CNTNAP2: variants seen among roughly 807,000 people sequenced by gnomAD.
CNTNAP2 encodes the protein contactin associated protein 2.
In CNTNAP2, 98 loss-of-function variants were observed where a neutral mutation model predicts 155.2. That is an observed-to-expected ratio of 0.63 (90% CI 0.54 to 0.75). CNTNAP2 has a LOEUF of 0.75. Among genes scored for constraint, CNTNAP2 ranks in the 30% least tolerant of loss-of-function variants. CNTNAP2 has a pLI of 0.00. For synonymous variants in CNTNAP2, 651 were observed against 631.2 expected, an observed-to-expected ratio of 1.03 and a Z score of -0.47; for missense variants, 1,727 against 1,688.1, an observed-to-expected ratio of 1.02 and a Z score of -0.40.
intron 15 of CNTNAP2, among the ~76,000 whole-genome samples, chr7:148,055,847 C>A (rs868351116): frequency 3.5e-4 from 54 of 152,256 alleles, no homozygotes; most frequent in African/African-American, 1.3e-3. Context: ...ATGAAGGAGG[C>A]AGTGGGTTTC....
intron 1 of CNTNAP2, among the ~76,000 whole-genome samples, chr7:146,352,880 T>C (rs1016812757): frequency 6.1e-5 from 9 of 147,330 alleles, no homozygotes; most frequent in Non-Finnish European, 1.2e-4. Context: ...TCAGCCTCCC[T>C]AGTCGCTAGG....
At chr7:146,234,996 C>T (rs980106658) in intron 1 of CNTNAP2, among the ~76,000 whole-genome samples, 3 of 152,080 alleles carry the variant, frequency 2.0e-5, no homozygotes, top group Admixed American at 1.3e-4. Flanking sequence ...TTTGCAAACA[C>T]CTGGGACAAA....
intron 1 of CNTNAP2, among the ~76,000 whole-genome samples, chr7:146,516,188 A>G (rs73464782): frequency 0.028 from 4,224 of 152,032 alleles, 205 homozygotes; most frequent in African/African-American, 0.097. Context: ...CTTTACTATC[A>G]TGGGTAGCAA....
intron 13 of CNTNAP2, among the ~76,000 whole-genome samples, chr7:147,706,812 T>C (rs539058899): frequency 2.6e-5 from 4 of 152,176 alleles, no homozygotes; most frequent in Admixed American, 1.3e-4. Context: ...CAAGGCTTTG[T>C]TCATTCTTTT....
chr7:147,066,144 A>G (rs185229675), intron 4 of CNTNAP2, among the ~76,000 whole-genome samples: 96 of 152,358 alleles, frequency 6.3e-4, no homozygotes, highest in Middle Eastern at 3.4e-3. Flanking sequence ...CAAAGGTCAC[A>G]CTGACCTATT....
At chr7:147,856,954 G>T (rs2116678949) in intron 13 of CNTNAP2, among the ~76,000 whole-genome samples, 1 of 152,300 alleles carries the variant, frequency 6.6e-6, no homozygotes, top group African/African-American at 2.4e-5. Flanking sequence ...GGTTCCCCAG[G>T]AAAGTTTGTC....
At chr7:148,116,237 A>G (rs185124895) in intron 15 of CNTNAP2, among the ~76,000 whole-genome samples, 163 of 152,232 alleles carry the variant, frequency 1.1e-3, no homozygotes, top group Middle Eastern at 6.8e-3. Flanking sequence ...CATATTTTGC[A>G]CTAGTTCCCT....
chr7:146,902,734 C>A (rs150947943), intron 3 of CNTNAP2, among the ~76,000 whole-genome samples: 3 of 152,154 alleles, frequency 2.0e-5, no homozygotes, highest in Non-Finnish European at 4.4e-5. Flanking sequence ...GTAAATGTTC[C>A]GTCTCATGAG....
At chr7:146,525,572 C>G (rs1797678408) in intron 1 of CNTNAP2, among the ~76,000 whole-genome samples, 2 of 136,308 alleles carry the variant, frequency 1.5e-5, no homozygotes, top group South Asian at 2.1e-4. Flanking sequence ...ATCTATCTAT[C>G]TATCTCTCTA....
chr7:147,038,531 A>G (rs1412203990), intron 3 of CNTNAP2, among the ~76,000 whole-genome samples: 1 of 152,172 alleles, frequency 6.6e-6, no homozygotes, highest in Non-Finnish European at 1.5e-5. Flanking sequence ...TCTTTCTCTG[A>G]CTTCCACTCC....
At chr7:146,884,369 G>A (rs1034639724) in intron 3 of CNTNAP2, among the ~76,000 whole-genome samples, 8 of 152,128 alleles carry the variant, frequency 5.3e-5, no homozygotes, top group Non-Finnish European at 1.0e-4. Context: ...TAAAATTGGA[G>A]GAAGAATAAA....
intron 8 of CNTNAP2, among the ~76,000 whole-genome samples, chr7:147,218,665 A>T (rs374168650): frequency 6.6e-6 from 1 of 151,996 alleles, no homozygotes; most frequent in South Asian, 2.1e-4. Flanking sequence ...GTCTTATTGA[A>T]TATTTCCTGT....
At chr7:146,173,460 C>T (rs537381042) in intron 1 of CNTNAP2, among the ~76,000 whole-genome samples, 1 of 151,878 alleles carries the variant, frequency 6.6e-6, no homozygotes, top group East Asian at 1.9e-4. Context: ...CACCTCCCCC[C>T]ACAACACACA....
chr7:146,875,777 G>A lies in CNTNAP2; in HGVS notation c.402+35873G>A, dbSNP rs1362796357. ...ATTTTTCAGCTTGGCCAGGTGTGGT[G>A]GCTCATGCCTATGATCCCAGCACTT... On this transcript the variant is annotated intron_variant, in intron 3 of 23. Coordinates refer to ENST00000361727, the MANE Select transcript of CNTNAP2 (RefSeq NM_014141.6). 2.6e-5 allele frequency among the ~76,000 whole-genome samples: 4 copies of A among 151,276 alleles called. No homozygotes were observed. The East Asian group carries it at 7.8e-4, about 30-fold the overall frequency.
intron 1 of CNTNAP2, among the ~76,000 whole-genome samples, chr7:146,716,492 G>A (rs926074441): frequency 6.6e-6 from 1 of 152,170 alleles, no homozygotes; most frequent in Non-Finnish European, 1.5e-5. Flanking sequence ...GTGCTTTGCT[G>A]CAATACAAAC....
intron 8 of CNTNAP2, among the ~76,000 whole-genome samples, chr7:147,201,783 G>A (rs1802927464): frequency 1.3e-5 from 2 of 152,212 alleles, no homozygotes; most frequent in Admixed American, 6.5e-5. Flanking sequence ...AGTTCAGTAA[G>A]ATATAAATAC....
At chr7:146,199,715 A>G (rs1266860889) in intron 1 of CNTNAP2, among the ~76,000 whole-genome samples, 2 of 152,216 alleles carry the variant, frequency 1.3e-5, no homozygotes, top group African/African-American at 4.8e-5. Flanking sequence ...ATTCAGGTCA[A>G]TAGAGAAATT....
chr7:146,600,699 T>G (rs73470606), intron 1 of CNTNAP2, among the ~76,000 whole-genome samples: 5,134 of 152,238 alleles, frequency 0.034, 291 homozygotes, highest in African/African-American at 0.12. Context: ...CACAATATAA[T>G]TTTTACTTAT....
At chr7:148,121,386 G>A (rs1804591908) in intron 16 of CNTNAP2, among the ~76,000 whole-genome samples, 1 of 152,148 alleles carries the variant, frequency 6.6e-6, no homozygotes, top group African/African-American at 2.4e-5. Flanking sequence ...CTGAGACATT[G>A]GGTAGAGAAT....
Sources: gnomAD v4.1 joint callset for allele counts (sites outside exome capture counted in the v4.1 genomes callset) on GRCh38, gnomAD v4.1.1 for gene constraint, MANE v1.5 for transcripts, NCBI Gene and HGNC (gene_info 2026-07-23, HGNC 2026-07-21) for gene names.